Variants in SVOPL observed in about 807,000 individuals in gnomAD.
SVOPL encodes the protein SVOP like.
A neutral mutation model predicts 61.0 loss-of-function variants in SVOPL; 60 were observed. The ratio of observed to expected loss-of-function variants is 0.98; its 90% CI spans 0.80 to 1.22. The LOEUF is 1.22. Among genes scored for constraint, SVOPL ranks in the 50% most tolerant of loss-of-function variants. SVOPL has a pLI of 0.00. For synonymous variants in SVOPL, 279 were observed against 250.0 expected, an observed-to-expected ratio of 1.12 and a Z score of -1.09; for missense variants, 662 against 643.9, an observed-to-expected ratio of 1.03 and a Z score of -0.30.
chr7:138,609,718 T>TG (rs1563085993), intron 14 of SVOPL, among the ~76,000 whole-genome samples: 13 of 125,824 alleles, frequency 1.0e-4, no homozygotes, highest in East Asian at 3.5e-4. Context: ...TGTTTTTTTT[T>TG]TGGGGGGGGT....
intron 9 of SVOPL, among the ~76,000 whole-genome samples, chr7:138,643,704 G>C (rs1800950481): frequency 6.9e-6 from 1 of 145,980 alleles, no homozygotes; most frequent in Non-Finnish European, 1.5e-5. Context: ...ATCTAGAATA[G>C]TCAATTTTAT....
intron 6 of SVOPL, among the ~76,000 whole-genome samples, chr7:138,658,588 C>T (rs1351921105): frequency 1.3e-5 from 2 of 152,118 alleles, no homozygotes; most frequent in African/African-American, 2.4e-5. Flanking sequence ...CCTGGGTTGA[C>T]ATTTTGTTAC....
chr7:138,612,810 T>C (rs1584781124), intron 14 of SVOPL, among the ~76,000 whole-genome samples: 4 of 150,714 alleles, frequency 2.7e-5, no homozygotes, highest in African/African-American at 2.4e-5. Flanking sequence ...CCACCGCGCC[T>C]GGCCAGAAAT....
chr7:138,661,918 T>C, intron 5 of SVOPL: 1 of 985,462 alleles, frequency 1.0e-6, no homozygotes, highest in Non-Finnish European at 1.2e-6. Flanking sequence ...CTGGCAAGGT[T>C]CAGAGCAACA....
chr7:138,597,246 C>T, intron 14 of SVOPL: 1 of 1,286,072 alleles, frequency 7.8e-7, no homozygotes, highest in Non-Finnish European at 1.0e-6. Flanking sequence ...AACAGCAAAG[C>T]TCTCTAGAAT....
intron 13 of SVOPL, among the ~76,000 whole-genome samples, chr7:138,623,555 G>A (rs1025995330): frequency 4.0e-5 from 6 of 151,866 alleles, no homozygotes; most frequent in African/African-American, 9.7e-5. Flanking sequence ...AGCCGAGATC[G>A]CGCCACTGCA....
At chr7:138,663,239 A>C in intron 4 of SVOPL, 94 bp from the exon 5 acceptor site, 1 of 1,546,416 alleles carries the variant, frequency 6.5e-7, no homozygotes, top group Non-Finnish European at 8.7e-7. Flanking sequence ...GGCTGGAAAT[A>C]CGGGAGGGAT....
intron 1 of SVOPL, among the ~76,000 whole-genome samples, chr7:138,687,326 C>T (rs1464646869): frequency 6.9e-6 from 1 of 144,396 alleles, no homozygotes; most frequent in Non-Finnish European, 1.5e-5. Context: ...ACCTCCGCCT[C>T]CTGAGTTCAA....
chr7:138,630,966 A>C (rs1800155088), intron 9 of SVOPL, among the ~76,000 whole-genome samples: 2 of 151,710 alleles, frequency 1.3e-5, no homozygotes, highest in East Asian at 1.9e-4. Flanking sequence ...AAAAAAAAAA[A>C]AAAGCAAGGA....
intron 14 of SVOPL, among the ~76,000 whole-genome samples, chr7:138,616,105 C>T (rs1799287787): frequency 6.6e-6 from 1 of 152,216 alleles, no homozygotes; most frequent in African/African-American, 2.4e-5. Flanking sequence ...AGAACCCAAA[C>T]ATGTGGGTGC....
At chr7:138,626,838 A>G (rs796587882) in intron 12 of SVOPL, among the ~76,000 whole-genome samples, 9 of 97,934 alleles carry the variant, frequency 9.2e-5, no homozygotes, top group African/African-American at 3.3e-4. Flanking sequence ...AAGGTGAGAG[A>G]ACCTGTCTCA....
intron 12 of SVOPL, among the ~76,000 whole-genome samples, chr7:138,626,713 G>A (rs150877195): frequency 6.6e-6 from 1 of 152,126 alleles, no homozygotes; most frequent in Non-Finnish European, 1.5e-5. Flanking sequence ...CAGCATGGTG[G>A]TGTGTGCCTG....
intron 14 of SVOPL, among the ~76,000 whole-genome samples, chr7:138,609,238 G>T (rs1033633717): frequency 1.6e-4 from 24 of 152,272 alleles, no homozygotes; most frequent in African/African-American, 5.5e-4. Flanking sequence ...ACTGGGACAA[G>T]CTCGCCCAAG....
chr7:138,654,443 T>TAG (rs1423308704), intron 7 of SVOPL, among the ~76,000 whole-genome samples: 14 of 151,096 alleles, frequency 9.3e-5, no homozygotes, highest in South Asian at 2.1e-4. Context: ...TCTCTAGAAA[T>TAG]AGAACAACAA....
At chr7:138,656,784 T>C (rs1220969563) in intron 6 of SVOPL, among the ~76,000 whole-genome samples, 1 of 152,188 alleles carries the variant, frequency 6.6e-6, no homozygotes, top group Non-Finnish European at 1.5e-5. Flanking sequence ...GGCTCACACC[T>C]GTAATCTCTG....
At chr7:138,650,528 G>T (rs111251620) in intron 7 of SVOPL, among the ~76,000 whole-genome samples, 1 of 151,144 alleles carries the variant, frequency 6.6e-6, no homozygotes, top group Non-Finnish European at 1.5e-5. Context: ...AAAGATTTTG[G>T]GGCCAGTGCG....
intron 14 of SVOPL, chr7:138,596,804 T>G: frequency 1.8e-6 from 2 of 1,135,854 alleles, no homozygotes; most frequent in Non-Finnish European, 2.2e-6. Context: ...AGCCAAGTTT[T>G]GATATATGGA....
At chr7:138,618,990 A>G (rs1392549723) in intron 14 of SVOPL, among the ~76,000 whole-genome samples, 2 of 152,158 alleles carry the variant, frequency 1.3e-5, no homozygotes, top group African/African-American at 2.4e-5. Context: ...ACAGCAGCAT[A>G]GCCTCTGGGA....
intron 14 of SVOPL, among the ~76,000 whole-genome samples, chr7:138,616,624 C>CCA (rs1355068562): frequency 6.6e-6 from 1 of 152,162 alleles, no homozygotes; most frequent in Non-Finnish European, 1.5e-5. Context: ...ACATGAGCCA[C>CCA]CACACCTGGC....
Sources: gnomAD v4.1 joint callset for allele counts (sites outside exome capture counted in the v4.1 genomes callset) on GRCh38, gnomAD v4.1.1 for gene constraint, MANE v1.5 for transcripts, NCBI Gene and HGNC (gene_info 2026-07-23, HGNC 2026-07-21) for gene names.